Variants in PCSK5 observed in about 807,000 individuals in gnomAD.
The protein encoded by PCSK5 is prohormone convertase 5.
In PCSK5, 129 loss-of-function variants were observed where a neutral mutation model predicts 233.2. That is an observed-to-expected ratio of 0.55 (90% CI 0.48 to 0.64). PCSK5 has a LOEUF of 0.64. Ranked by LOEUF, PCSK5 falls within the 30% of genes least tolerant of loss-of-function variation. The pLI is 0.00. For missense variants in PCSK5, 2,076 were observed against 2,430.1 expected (o/e 0.85, Z 3.06); for synonymous variants, 825 against 879.2 (o/e 0.94, Z 1.09).
intron 5 of PCSK5, among the ~76,000 whole-genome samples, chr9:76,059,245 G>A (rs1829939572): frequency 6.6e-6 from 1 of 152,140 alleles, no homozygotes; most frequent in East Asian, 1.9e-4. Flanking sequence ...TTTATTTGTA[G>A]ATTCTGGATA....
intron 8 of PCSK5, among the ~76,000 whole-genome samples, chr9:76,106,593 T>A (rs1242800851): frequency 3.3e-5 from 5 of 152,252 alleles, no homozygotes; most frequent in Admixed American, 3.3e-4. Context: ...ATATACAAGC[T>A]TACACTTAGT....
At chr9:76,099,416 T>C (rs763917151) in intron 8 of PCSK5, among the ~76,000 whole-genome samples, 1 of 152,164 alleles carries the variant, frequency 6.6e-6, no homozygotes, top group Non-Finnish European at 1.5e-5. Context: ...GCTCAGTGCA[T>C]GTCCGGTCGC....
intron 9 of PCSK5, among the ~76,000 whole-genome samples, chr9:76,120,069 A>G (rs1832574558): frequency 1.3e-5 from 2 of 151,824 alleles, no homozygotes; most frequent in South Asian, 4.1e-4. Flanking sequence ...TTCTTGTTTT[A>G]TTTTTCATCA....
chr9:76,289,437 G>A (rs557691751), intron 24 of PCSK5, among the ~76,000 whole-genome samples: 1 of 137,064 alleles, frequency 7.3e-6, no homozygotes, highest in South Asian at 2.4e-4. Flanking sequence ...AACAATTGTA[G>A]CTTGTTTAAG....
chr9:76,105,987 G>C (rs575921306), intron 8 of PCSK5, among the ~76,000 whole-genome samples: 11 of 152,316 alleles, frequency 7.2e-5, no homozygotes, highest in African/African-American at 2.6e-4. Context: ...GTGAGAGTCT[G>C]TCTCTAAGGA....
At chr9:76,180,667 C>G (rs865859488) in intron 15 of PCSK5, among the ~76,000 whole-genome samples, 2 of 152,126 alleles carry the variant, frequency 1.3e-5, no homozygotes, top group Admixed American at 1.3e-4. Flanking sequence ...AGCTGCCACA[C>G]GGTTCCTCCA....
intron 8 of PCSK5, among the ~76,000 whole-genome samples, chr9:76,100,575 C>A (rs1316699548): frequency 6.6e-6 from 1 of 152,226 alleles, no homozygotes; most frequent in Non-Finnish European, 1.5e-5. Flanking sequence ...GATAGACCCC[C>A]AAACTCATCT....
At chr9:76,177,265 G>T (rs111866233) in intron 14 of PCSK5, among the ~76,000 whole-genome samples, 5,342 of 152,096 alleles carry the variant, frequency 0.035, 194 homozygotes, top group African/African-American at 0.087. Flanking sequence ...CTTCACTCCA[G>T]CCTGGGAACA....
intron 24 of PCSK5, among the ~76,000 whole-genome samples, chr9:76,279,934 A>C (rs1827816466): frequency 6.6e-6 from 1 of 151,620 alleles, no homozygotes; most frequent in Non-Finnish European, 1.5e-5. Context: ...CCCATTTGTC[A>C]ATTTTGTCTT....
At chr9:76,116,410 TTA>T (rs780514708) in intron 9 of PCSK5, among the ~76,000 whole-genome samples, 7 of 152,106 alleles carry the variant, frequency 4.6e-5, no homozygotes, top group Admixed American at 3.9e-4. Flanking sequence ...AAGTAAAAGT[TTA>T]TGTTGTTTGC....
chr9:76,166,431 G>A (rs751981653), intron 12 of PCSK5, among the ~76,000 whole-genome samples: 79 of 152,280 alleles, frequency 5.2e-4, no homozygotes, highest in Admixed American at 3.3e-3. Flanking sequence ...AAAGTGATTG[G>A]TAGCAATGAA....
At chr9:76,321,791 G>A (rs1032920299) in intron 31 of PCSK5, among the ~76,000 whole-genome samples, 152 bp downstream of exon 31, 13 of 145,996 alleles carry the variant, frequency 8.9e-5, no homozygotes, top group Non-Finnish European at 4.6e-5. Context: ...GAGAAACTGA[G>A]GGTGAGATAC....
intron 1 of PCSK5, among the ~76,000 whole-genome samples, chr9:75,892,411 C>T (rs1049559219): frequency 6.6e-6 from 1 of 152,198 alleles, no homozygotes; most frequent in Admixed American, 6.5e-5. Context: ...TCCACATACA[C>T]ACCGCAAGCA....
chr9:75,964,034 A>C (rs1392547079), intron 2 of PCSK5, among the ~76,000 whole-genome samples: 1 of 152,232 alleles, frequency 6.6e-6, no homozygotes, highest in African/African-American at 2.4e-5. Context: ...CTCTATCTGG[A>C]AAATGGAAAC....
intron 20 of PCSK5, among the ~76,000 whole-genome samples, chr9:76,207,319 C>T (rs1825158187): frequency 6.6e-6 from 1 of 152,132 alleles, no homozygotes; most frequent in South Asian, 2.1e-4. Flanking sequence ...GATTTTTTGT[C>T]TAATTCTCTG....
At chr9:75,905,400 C>T (rs1353539836) in intron 1 of PCSK5, among the ~76,000 whole-genome samples, 1 of 152,058 alleles carries the variant, frequency 6.6e-6, no homozygotes, top group Non-Finnish European at 1.5e-5. Context: ...GCCTGTAGTC[C>T]CAGCTACTTG....
chr9:75,907,733 T>C (rs1457645905), intron 1 of PCSK5, among the ~76,000 whole-genome samples: 1 of 152,172 alleles, frequency 6.6e-6, no homozygotes, highest in African/African-American at 2.4e-5. Context: ...AAGTCTTTTG[T>C]CTATTGGAGC....
chr9:76,329,465 A>G (rs1456552346), intron 33 of PCSK5, among the ~76,000 whole-genome samples: 1 of 152,018 alleles, frequency 6.6e-6, no homozygotes, highest in Non-Finnish European at 1.5e-5. Flanking sequence ...AGGCCCTTCC[A>G]TGTCCCTTTA....
At chr9:76,094,796 G>A (rs1890561) in intron 7 of PCSK5, among the ~76,000 whole-genome samples, 4,117 of 152,102 alleles carry the variant, frequency 0.027, 181 homozygotes, top group African/African-American at 0.093. Context: ...TTTCAGTAGA[G>A]ATAGAGTTTC....
Sources: gnomAD v4.1 joint callset for allele counts (sites outside exome capture counted in the v4.1 genomes callset) on GRCh38, gnomAD v4.1.1 for gene constraint, MANE v1.5 for transcripts, NCBI Gene and HGNC (gene_info 2026-07-23, HGNC 2026-07-21) for gene names.